RAB7A: variants seen among roughly 807,000 people sequenced by gnomAD.
RAB7A encodes the protein RAB7A, member RAS oncogene family, also known as ras-related protein Rab-7a.
Under a neutral mutation model 24.5 loss-of-function variants are expected in RAB7A, and 2 were observed. That is an observed-to-expected ratio of 0.08 (90% confidence interval 0.03 to 0.26). The LOEUF (loss-of-function observed/expected upper bound fraction) is 0.26. RAB7A is among the 10% of genes least tolerant of loss of function. The pLI is 1.00. For missense variants in RAB7A, 118 were observed against 255.7 expected (o/e 0.46, Z 3.67); for synonymous variants, 100 against 95.9 (o/e 1.04, Z -0.25).
At chr3:128,792,732 C>G (rs1217557590) in intron 1 of RAB7A, among the ~76,000 whole-genome samples, 2 of 152,116 alleles carry the variant, frequency 1.3e-5, no homozygotes, top group Non-Finnish European at 2.9e-5. Context: ...CCACCACTCA[C>G]TGCAACCTCT....
At chr3:128,742,368 C>T (rs2107586722) in intron 1 of RAB7A, among the ~76,000 whole-genome samples, 1 of 152,272 alleles carries the variant, frequency 6.6e-6, no homozygotes, top group South Asian at 2.1e-4. Flanking sequence ...AAAGCTTCCA[C>T]AGTGTGGAAG....
chr3:128,730,708 A>G (rs144650481), intron 1 of RAB7A, among the ~76,000 whole-genome samples: 3 of 152,330 alleles, frequency 2.0e-5, no homozygotes, highest in Non-Finnish European at 4.4e-5. Flanking sequence ...TACTTGCAAA[A>G]TATCTCCTTG....
At chr3:128,766,848 A>G (rs917199741) in intron 1 of RAB7A, among the ~76,000 whole-genome samples, 2 of 152,076 alleles carry the variant, frequency 1.3e-5, no homozygotes, top group Non-Finnish European at 2.9e-5. Flanking sequence ...CCTGGGTCAT[A>G]TGTTTAACTC....
chr3:128,794,000 A>G (rs1028638817), intron 1 of RAB7A, among the ~76,000 whole-genome samples: 2 of 152,178 alleles, frequency 1.3e-5, no homozygotes, highest in African/African-American at 4.8e-5. Flanking sequence ...GGTTACTTTC[A>G]AGAGCGTAGG....
intron 3 of RAB7A, chr3:128,798,703 A>G (rs1933630389): frequency 1.8e-5 from 3 of 166,412 alleles, no homozygotes; most frequent in Non-Finnish European, 3.9e-5. Context: ...TAACATCCCT[A>G]GAAAAGAAAC....
intron 5 of RAB7A, among the ~76,000 whole-genome samples, chr3:128,809,007 A>G (rs530070743): frequency 3.3e-5 from 5 of 152,286 alleles, no homozygotes; most frequent in Admixed American, 1.3e-4. Flanking sequence ...GAGCAGACCA[A>G]GATGCAGACT....
rs1933824229 is a variant in RAB7A, at chr3:128,807,259, A to G, written c.400-284A>G. On this transcript the variant is annotated intron_variant, in intron 4 of 5. Transcript: ENST00000265062. ...TCATTTCTTCCCGGACTGGCTTCTT[A>G]CTCCATTCACAAATGGCTTTTAAGT... 2.0e-5 allele frequency among the ~76,000 whole-genome samples: 3 copies of G among 152,054 alleles called. No individual in the cohort carries two copies. In the South Asian group the frequency reaches 6.2e-4, roughly 32 times the overall value.
At chr3:128,782,808 G>A (rs1057047199) in intron 1 of RAB7A, among the ~76,000 whole-genome samples, 8 of 152,062 alleles carry the variant, frequency 5.3e-5, no homozygotes, top group African/African-American at 1.4e-4. Context: ...CTGTCTATAC[G>A]TTTTAAGTAA....
At chr3:128,766,426 A>T (rs1025331570) in intron 1 of RAB7A, among the ~76,000 whole-genome samples, 3 of 152,254 alleles carry the variant, frequency 2.0e-5, no homozygotes, top group Non-Finnish European at 4.4e-5. Flanking sequence ...TCACTAGGAC[A>T]GAAGGCATAA....
At chr3:128,735,801 A>C (rs919305470) in intron 1 of RAB7A, among the ~76,000 whole-genome samples, 1 of 152,172 alleles carries the variant, frequency 6.6e-6, no homozygotes, top group African/African-American at 2.4e-5. Context: ...TATCGAAGAT[A>C]GTTCTTATGT....
At chr3:128,779,531 A>G (rs780277956) in intron 1 of RAB7A, among the ~76,000 whole-genome samples, 1 of 141,858 alleles carries the variant, frequency 7.0e-6, no homozygotes, top group Non-Finnish European at 1.5e-5. Flanking sequence ...TACCTGATGC[A>G]TGCAGCAATG....
chr3:128,732,054 T>A (rs2070443904), intron 1 of RAB7A, among the ~76,000 whole-genome samples: 1 of 146,588 alleles, frequency 6.8e-6, no homozygotes, highest in Admixed American at 6.8e-5. Flanking sequence ...TTTTTTTCTC[T>A]CTCTGAGACA....
chr3:128,786,294 T>C (rs1437702362), intron 1 of RAB7A, among the ~76,000 whole-genome samples: 1 of 152,180 alleles, frequency 6.6e-6, no homozygotes, highest in East Asian at 1.9e-4. Flanking sequence ...CTAATTAGAT[T>C]CCTCAGTTTG....
At chr3:128,787,034 T>G (rs577386216) in intron 1 of RAB7A, among the ~76,000 whole-genome samples, 1 of 152,210 alleles carries the variant, frequency 6.6e-6, no homozygotes, top group Non-Finnish European at 1.5e-5. Context: ...AGACATATAC[T>G]CTAATACTAA....
At chr3:128,794,606 A>C (rs1030854152) in intron 1 of RAB7A, among the ~76,000 whole-genome samples, 6 of 150,350 alleles carry the variant, frequency 4.0e-5, no homozygotes, top group Non-Finnish European at 1.5e-5. Context: ...AATGAGAGGC[A>C]ATTACAGCAG....
chr3:128,813,252 C>T, intron 5 of RAB7A, 75 bp from the exon 6 acceptor site: 1 of 1,386,510 alleles, frequency 7.2e-7, no homozygotes, highest in Admixed American at 1.7e-5. Flanking sequence ...CCCTCCTGGG[C>T]AGAAAGTGCC....
At chr3:128,764,580 G>A in intron 1 of RAB7A, 1 of 1,407,146 alleles carries the variant, frequency 7.1e-7, no homozygotes, top group Admixed American at 1.7e-5. Flanking sequence ...CCAATTCTTT[G>A]ATGGCTTTCA....
In RAB7A at chr3:128,814,695, G is replaced by A. The variant is rs750489618; in HGVS notation, c.*1273G>A. 2.0e-5 allele frequency: 3 copies of A among 152,646 alleles called. No homozygotes were observed. The highest frequency in any genetic ancestry group is 2.1e-4 in the South Asian group (1 of 4,836). 9.5% of individuals were successfully genotyped at this position (152,646 alleles called of 1,614,324 possible). ...GCCCCTGCATTGTAGCTTGCTTAAC[G>A]GAGCACTTCTCCTTTTTCCAAAGGT... On this transcript the variant is annotated 3_prime_UTR_variant, in exon 6 of 6. Coordinates refer to ENST00000265062, the MANE Select transcript of RAB7A (RefSeq NM_004637.6).
At chr3:128,776,728 G>A (rs1185938546) in intron 1 of RAB7A, among the ~76,000 whole-genome samples, 2 of 152,090 alleles carry the variant, frequency 1.3e-5, no homozygotes, top group Non-Finnish European at 2.9e-5. Context: ...TATATCATTG[G>A]ATCAAATGGG....
Sources: allele counts gnomAD v4.1 joint callset (sites outside exome capture counted in the v4.1 genomes callset), GRCh38; gene constraint gnomAD v4.1.1; transcripts MANE v1.5; gene names NCBI Gene and HGNC (gene_info 2026-07-23, HGNC 2026-07-21).